Variants in ERICH6 observed in about 807,000 individuals in gnomAD.
ERICH6 encodes glutamate-rich protein 6.
ERICH6 carries 71 observed loss-of-function variants against 71.0 expected under a neutral mutation model. The observed-to-expected ratio is 1.00, with a 90% CI of 0.83 to 1.22. The LOEUF (loss-of-function observed/expected upper bound fraction) is 1.22. Ranked by LOEUF, ERICH6 falls within the 50% of genes most tolerant of loss-of-function variation. The pLI is 0.00. For missense variants in ERICH6, 808 were observed against 797.2 expected (o/e 1.01, Z -0.16); for synonymous variants, 262 against 278.4 (o/e 0.94, Z 0.59).
chr3:150,703,000 GAGA>G (rs2108085705), intron 1 of ERICH6, among the ~76,000 whole-genome samples: 1 of 150,014 alleles, frequency 6.7e-6, no homozygotes, highest in South Asian at 2.1e-4. Context: ...GGAACAGAGA[GAGA>G]GAGAGAGAGA....
rs142799437 is a variant in ERICH6, at chr3:150,691,442, G to T, written c.554-5088C>A. Reference sequence around the variant, plus strand: ...AGGAAATAAGAGAGATGTAAAGAAAGTTACAAAAATAAAGAGGTTTATTTG... The same window carrying T: ...AGGAAATAAGAGAGATGTAAAGAAATTTACAAAAATAAAGAGGTTTATTTG... On this transcript the variant is annotated intron_variant, in intron 3 of 13. Coordinates refer to ENST00000295910, the MANE Select transcript of ERICH6 (RefSeq NM_152394.5). 7.5e-3 allele frequency among the ~76,000 whole-genome samples: 1,139 copies of T among 152,226 alleles called. 5 individuals carry two copies. Among genetic ancestry groups the T allele is most frequent in the Non-Finnish European group, 0.012 (844 of 67,998 alleles).
intron 7 of ERICH6, among the ~76,000 whole-genome samples, chr3:150,681,780 C>T (rs926962155): frequency 7.0e-6 from 1 of 143,130 alleles, no homozygotes; most frequent in African/African-American, 2.6e-5. Flanking sequence ...TTGTGATTTG[C>T]GTTTCCCTGA....
At position 150,685,745 on chromosome 3, in the gene ERICH6, G is replaced by C; in HGVS notation, c.780C>G (p.Phe260Leu). 6.2e-7 allele frequency: 1 copy of C among 1,608,388 alleles called. No homozygotes were observed. The highest frequency in any genetic ancestry group is 1.7e-4 in the Middle Eastern group (1 of 6,046). ...KEESSNLGINFKDEEEETSPK... is the reference protein window; with the variant it reads ...KEESSNLGINLKDEEEETSPK... ...AAGAAACATGAATTAAAGTCACCTT[G>C]AAGTTAATGCCTAAATTGGAGCTCT... The change falls in exon 6 of 14, where the codon TTC becomes TTG. Residue 260 changes from phenylalanine to leucine, a missense_variant. Physicochemically the swap from Phe to Leu is conservative, Grantham distance 22 (BLOSUM62 0). This residue lies in a region of ERICH6 where 736 missense variants were observed against 712.2 expected (regional missense o/e 1.03). Coordinates refer to ENST00000295910, the MANE Select transcript of ERICH6 (RefSeq NM_152394.5).
Position 150,685,748 on chromosome 3 carries a change from G to T in ERICH6, c.777C>A (p.Asn259Lys). 6.2e-7 allele frequency: 1 copy of T among 1,610,642 alleles called. No individual in the cohort carries two copies. The highest frequency in any genetic ancestry group is 2.2e-5 in the East Asian group (1 of 44,812). ...AAACATGAATTAAAGTCACCTTGAAGTTAATGCCTAAATTGGAGCTCTCTT... is the reference window on the plus strand; with the variant it reads ...AAACATGAATTAAAGTCACCTTGAATTTAATGCCTAAATTGGAGCTCTCTT... ...YKEESSNLGI[N>K]FKDEEEETSP... is the part of the protein sequence containing the mutation. The change falls in exon 6 of 14, where the codon AAC (asparagine) becomes AAA (lysine). Residue 259 changes from asparagine (N) to lysine (K), a missense_variant. Coordinates refer to ENST00000295910, the MANE Select transcript of ERICH6 (RefSeq NM_152394.5).
intron 12 of ERICH6, among the ~76,000 whole-genome samples, chr3:150,668,833 T>C (rs1338210215): frequency 6.6e-6 from 1 of 152,210 alleles, no homozygotes; most frequent in East Asian, 1.9e-4. Flanking sequence ...TGTATGTTAC[T>C]CTTCTTGCTT....
chr3:150,689,784 G>A (rs1712349702), intron 3 of ERICH6, among the ~76,000 whole-genome samples: 1 of 152,128 alleles, frequency 6.6e-6, no homozygotes, highest in Non-Finnish European at 1.5e-5. Flanking sequence ...GTTTATAATA[G>A]CCTGGGGTTC....
At chr3:150,688,657 A>AT (rs1712295003) in intron 3 of ERICH6, among the ~76,000 whole-genome samples, 1 of 152,236 alleles carries the variant, frequency 6.6e-6, no homozygotes, top group South Asian at 2.1e-4. Flanking sequence ...AGATTAATGC[A>AT]TATCTGATTG....
At position 150,664,520 on chromosome 3, in the gene ERICH6, C is replaced by T. The variant is rs78651481; in HGVS notation, c.1728+2267G>A. Among the ~76,000 whole-genome samples, 3,774 of 151,744 alleles carry T rather than the reference C, an allele frequency of 0.025. 320 individuals are homozygous for T. The East Asian group carries it at 0.28, about 11-fold the overall frequency. ...AAAATTAACTGAGTGTGGTGGTGCACGCCTGAGCCCCAGCTACTCAGGAGG... is the reference window on the plus strand; with the variant it reads ...AAAATTAACTGAGTGTGGTGGTGCATGCCTGAGCCCCAGCTACTCAGGAGG... On this transcript the variant is annotated intron_variant, in intron 13 of 13. Coordinates refer to ENST00000295910, the MANE Select transcript of ERICH6 (RefSeq NM_152394.5).
At chr3:150,669,168 C>T (rs915270934) in intron 12 of ERICH6, 128 bp downstream of exon 12, 1 of 1,013,634 alleles carries the variant, frequency 9.9e-7, no homozygotes, top group Non-Finnish European at 1.4e-6. Flanking sequence ...CTGAGTTGAA[C>T]ATTACCATCT....
intron 3 of ERICH6, among the ~76,000 whole-genome samples, chr3:150,687,194 T>C (rs931637578): frequency 6.6e-6 from 1 of 152,200 alleles, no homozygotes; most frequent in Non-Finnish European, 1.5e-5. Flanking sequence ...CTACAGTCGA[T>C]CTGATAATCA....
chr3:150,686,665 C>T (rs1329776711), intron 3 of ERICH6, among the ~76,000 whole-genome samples: 1 of 152,184 alleles, frequency 6.6e-6, no homozygotes, highest in Non-Finnish European at 1.5e-5. Flanking sequence ...GTATACCAAA[C>T]CCTACTATGC....
At chr3:150,666,710 G>C in intron 13 of ERICH6, 77 bp downstream of exon 13, 1 of 1,277,388 alleles carries the variant, frequency 7.8e-7, no homozygotes, top group Non-Finnish European at 1.1e-6. Context: ...TAATCTATCA[G>C]TAATAATACT....
intron 3 of ERICH6, among the ~76,000 whole-genome samples, chr3:150,690,976 C>A (rs1255430934): frequency 1.3e-5 from 2 of 152,178 alleles, no homozygotes; most frequent in African/African-American, 4.8e-5. Context: ...TGGGAAAGGA[C>A]CATTATCATC....
intron 13 of ERICH6, among the ~76,000 whole-genome samples, chr3:150,666,383 A>T (rs74483558): frequency 1.1e-4 from 16 of 152,270 alleles, no homozygotes; most frequent in African/African-American, 3.6e-4. Flanking sequence ...GAGGTCTGGG[A>T]AGTGTCTCTA....
At chr3:150,697,149 TGTGATACCATTCATGTAAATAAC>T in intron 3 of ERICH6, among the ~76,000 whole-genome samples, 1 of 152,034 alleles carries the variant, frequency 6.6e-6, no homozygotes, top group African/African-American at 2.4e-5. Flanking sequence ...ACAGATTCGG[TGTGATACCATTCATGTAAATAAC>T]AACAGCAAAC....
At chr3:150,700,236 G>T (rs1712817995) in intron 2 of ERICH6, among the ~76,000 whole-genome samples, 1 of 140,692 alleles carries the variant, frequency 7.1e-6, no homozygotes, top group Non-Finnish European at 1.5e-5. Context: ...CACCATGCCC[G>T]GCTAATTTTT....
intron 12 of ERICH6, among the ~76,000 whole-genome samples, chr3:150,667,633 CA>C (rs1254234603): frequency 1.3e-5 from 2 of 152,174 alleles, no homozygotes; most frequent in African/African-American, 4.8e-5. Context: ...GAATGCCTTA[CA>C]TTTTACTACA....
Position 150,660,048 on chromosome 3 carries a change from TC to T in ERICH6, c.1835del (p.Gly612AspfsTer3), listed in dbSNP as rs1727152219. 6 of 1,613,962 alleles carry T rather than the reference TC, an allele frequency of 3.7e-6. No homozygotes were observed. The highest frequency in any genetic ancestry group is 1.3e-5 in the African/African-American group (1 of 74,890). ...CCTGGCTTGAGGGAAAATTCACACATCCTTCAAGTTTATGAAACAGGCGACG... is the reference window on the plus strand; with the variant it reads ...CCTGGCTTGAGGGAAAATTCACACATCTTCAAGTTTATGAAACAGGCGACG... The part of the protein sequence containing the change: ...KIRRLFHKLE[G>X]CVNFPSSQVW... On this transcript the variant is annotated frameshift_variant, in exon 14 of 14. Coordinates refer to ENST00000295910, the MANE Select transcript of ERICH6 (RefSeq NM_152394.5). LOFTEE classifies it low-confidence loss of function (END_TRUNC).
intron 2 of ERICH6, among the ~76,000 whole-genome samples, chr3:150,700,264 T>TG (rs1306654082): frequency 6.8e-6 from 1 of 147,100 alleles, no homozygotes; most frequent in African/African-American, 2.5e-5. Context: ...TTTTTTTTTT[T>TG]TTGTATTTTT....
Sources: allele counts gnomAD v4.1 joint callset (sites outside exome capture counted in the v4.1 genomes callset), GRCh38; gene constraint gnomAD v4.1.1; regional missense constraint gnomAD v4.1.1; transcripts MANE v1.5; gene names NCBI Gene and HGNC (gene_info 2026-07-23, HGNC 2026-07-21).